Variants in ITPKB observed in about 807,000 individuals in gnomAD.
The protein encoded by ITPKB is inositol-trisphosphate 3-kinase B.
ITPKB carries 13 observed loss-of-function variants against 69.4 expected under a neutral mutation model. That is an observed-to-expected ratio of 0.19 (90% confidence interval 0.12 to 0.30). The LOEUF is 0.30. ITPKB is among the 10% of genes least tolerant of loss of function. The probability of loss-of-function intolerance (pLI) is 1.00; values close to 1 mark genes in which losing one functional copy is unlikely to be tolerated. For synonymous variants in ITPKB, 584 were observed against 513.7 expected, an observed-to-expected ratio of 1.14 and a Z score of -1.85; for missense variants, 1,240 against 1,250.5, an observed-to-expected ratio of 0.99 and a Z score of 0.13.
chr1:226,680,207 G>A (rs1394142301), intron 2 of ITPKB, among the ~76,000 whole-genome samples: 3 of 152,226 alleles, frequency 2.0e-5, no homozygotes, highest in Non-Finnish European at 4.4e-5. Flanking sequence ...ACGTGAGCAC[G>A]GACCCACCTC....
intron 2 of ITPKB, among the ~76,000 whole-genome samples, chr1:226,725,954 A>G (rs1374090471): frequency 6.6e-6 from 1 of 152,210 alleles, no homozygotes; most frequent in Non-Finnish European, 1.5e-5. Context: ...TTCAAGCAAC[A>G]AGGTCAGAAT....
intron 2 of ITPKB, among the ~76,000 whole-genome samples, chr1:226,677,593 C>G (rs1015122807): frequency 4.6e-5 from 7 of 152,240 alleles, no homozygotes; most frequent in African/African-American, 1.7e-4. Flanking sequence ...AAGGGCCCAG[C>G]TCAGAGCTGC....
intron 2 of ITPKB, among the ~76,000 whole-genome samples, chr1:226,698,688 G>A (rs941859603): frequency 2.0e-5 from 3 of 152,326 alleles, no homozygotes; most frequent in Non-Finnish European, 4.4e-5. Flanking sequence ...TGATCTGCAG[G>A]AGGTTATGGA....
At chr1:226,638,576 C>T (rs1040741613) in intron 6 of ITPKB, among the ~76,000 whole-genome samples, 9 of 152,148 alleles carry the variant, frequency 5.9e-5, no homozygotes, top group Non-Finnish European at 1.3e-4. Context: ...CACAATATTC[C>T]CTGACTCAGC....
intron 2 of ITPKB, among the ~76,000 whole-genome samples, chr1:226,718,459 G>C (rs1476283990): frequency 6.6e-6 from 1 of 152,060 alleles, no homozygotes; most frequent in Non-Finnish European, 1.5e-5. Context: ...GCTGGGCATG[G>C]TGCTGCATAC....
intron 2 of ITPKB, among the ~76,000 whole-genome samples, chr1:226,683,221 TCC>T (rs1656127115): frequency 2.0e-5 from 3 of 152,064 alleles, no homozygotes; most frequent in Non-Finnish European, 4.4e-5. Context: ...CTGCAACACC[TCC>T]CCCTTCGTGC....
chr1:226,674,842 A>G (rs991169149), intron 2 of ITPKB: 2 of 152,042 alleles, frequency 1.3e-5, no homozygotes, highest in South Asian at 2.1e-4. Context: ...TCTATTCTGT[A>G]TCACCCTTAA....
At chr1:226,711,698 A>G (rs1037162676) in intron 2 of ITPKB, among the ~76,000 whole-genome samples, 2 of 152,190 alleles carry the variant, frequency 1.3e-5, no homozygotes, top group East Asian at 3.9e-4. Context: ...AGTGCTGAAC[A>G]GAAGTTCCTC....
At chr1:226,730,214 G>A (rs527791245) in intron 2 of ITPKB, among the ~76,000 whole-genome samples, 3 of 152,326 alleles carry the variant, frequency 2.0e-5, no homozygotes, top group Non-Finnish European at 2.9e-5. Flanking sequence ...TGGGTCTGAA[G>A]GAGATGCTGA....
rs1400211617 is a variant in ITPKB, at chr1:226,634,532, TCTC to T, written c.*136_*138del. The stretch of plus-strand genomic sequence containing the variant: ...TTAGGAAAATGACTAGAAACTCTCA[TCTC>T]CTCTTCTACAAAGTGTCTTGTAGTG... On this transcript the variant is annotated 3_prime_UTR_variant, in exon 8 of 8. Coordinates refer to ENST00000429204, the MANE Select transcript of ITPKB (RefSeq NM_002221.4). The surrounding 1 kb of genome is among the most constrained non-coding windows in gnomAD (Gnocchi z 6.3). The T allele has an allele frequency of 1.3e-5, 8 of 603,030 alleles. No homozygotes were observed. The highest frequency in any genetic ancestry group is 4.4e-4 in the Middle Eastern group (1 of 2,280). The allele number at this position is 603,030 out of a possible 1,614,324, so 37.4% of individuals were successfully genotyped here.
At chr1:226,636,711 C>T (rs920371947) in intron 7 of ITPKB, among the ~76,000 whole-genome samples, 1 of 152,014 alleles carries the variant, frequency 6.6e-6, no homozygotes, top group Admixed American at 6.6e-5. Flanking sequence ...CCGCTTCACA[C>T]CCACCCACCC....
Position 226,647,348 on chromosome 1 carries a change from G to A in ITPKB, c.2065C>T (p.Leu689=). ...SFKAAANGRI[L]KKHCESEQRC... is the part of the protein sequence containing the mutation. ...TGCTCTGACTCACAGTGCTTCTTCA[G>A]GATCCTGCCATTGGCAGCTGCCTTG... Residue 689 remains leucine, a synonymous_variant, in exon 4 of 8, where the codon CTG becomes TTG. Coordinates refer to ENST00000429204, the MANE Select transcript of ITPKB (RefSeq NM_002221.4). The A allele has an allele frequency of 6.2e-7, 1 of 1,614,106 alleles. No individual in the cohort carries two copies. The highest frequency in any genetic ancestry group is 8.5e-7 in the Non-Finnish European group (1 of 1,180,000).
intron 2 of ITPKB, among the ~76,000 whole-genome samples, chr1:226,706,809 C>A (rs1266137582): frequency 6.6e-6 from 1 of 152,210 alleles, no homozygotes; most frequent in Admixed American, 6.5e-5. Context: ...GTCTGTCTGG[C>A]TTTCTGGGCC....
intron 4 of ITPKB, among the ~76,000 whole-genome samples, chr1:226,643,648 T>C (rs909123556): frequency 1.3e-5 from 2 of 152,124 alleles, no homozygotes; most frequent in Non-Finnish European, 2.9e-5. Flanking sequence ...CTGTATTAAT[T>C]GAAATTTGCA....
chr1:226,655,716 A>G (rs1201809720), intron 2 of ITPKB, among the ~76,000 whole-genome samples: 1 of 152,230 alleles, frequency 6.6e-6, no homozygotes, highest in Non-Finnish European at 1.5e-5. Context: ...TCTGATCCTC[A>G]GCTCAGCCCA....
intron 2 of ITPKB, among the ~76,000 whole-genome samples, chr1:226,683,720 A>T (rs141376695): frequency 5.7e-4 from 87 of 152,250 alleles, no homozygotes; most frequent in African/African-American, 1.9e-3. Flanking sequence ...GCAACACATC[A>T]TTCCCTCTTT....
At chr1:226,731,782 C>A (rs1013545256) in intron 2 of ITPKB, among the ~76,000 whole-genome samples, 1 of 152,118 alleles carries the variant, frequency 6.6e-6, no homozygotes. Flanking sequence ...CCAGAAAGAT[C>A]CTCTCCATGT....
At chr1:226,696,328 T>TGC (rs1210378865) in intron 2 of ITPKB, among the ~76,000 whole-genome samples, 1 of 152,086 alleles carries the variant, frequency 6.6e-6, no homozygotes, top group Non-Finnish European at 1.5e-5. Context: ...CGTGTGTGTG[T>TGC]GTGTGTGTGT....
Position 226,645,338 on chromosome 1 carries a change from G to A in ITPKB, c.2246+1829C>T, listed in dbSNP as rs531552978. The stretch of plus-strand genomic sequence containing the variant: ...GATGGGTTACATGGGTACCAGCCAC[G>A]GTCACTCTAGATCTCTCTTGAGAGC... On this transcript the variant is annotated intron_variant, in intron 4 of 7. Coordinates refer to ENST00000429204, the MANE Select transcript of ITPKB (RefSeq NM_002221.4). Among the ~76,000 whole-genome samples the A allele has an allele frequency of 5.3e-5, 8 of 151,814 alleles. No homozygotes were observed. The East Asian group carries it at 9.7e-4, about 18-fold the overall frequency.
Sources: allele counts gnomAD v4.1 joint callset (sites outside exome capture counted in the v4.1 genomes callset), GRCh38; gene constraint gnomAD v4.1.1; non-coding constraint Gnocchi (gnomAD v3.1); transcripts MANE v1.5; gene names NCBI Gene and HGNC (gene_info 2026-07-23, HGNC 2026-07-21).